The following OGG1 variants were observed in gnomAD, a reference collection of about 807,000 sequenced individuals.
The protein encoded by OGG1 is N-glycosylase/DNA lyase.
Under a neutral mutation model 42.3 loss-of-function variants are expected in OGG1, and 35 were observed. That is an observed-to-expected ratio of 0.83 (90% confidence interval 0.63 to 1.10). The LOEUF is 1.10. Ranked by LOEUF, OGG1 falls within the 50% of genes least tolerant of loss-of-function variation. The pLI, the probability that OGG1 is intolerant of heterozygous loss-of-function variation, is 0.00. For synonymous variants in OGG1, 189 were observed against 179.0 expected, an observed-to-expected ratio of 1.06 and a Z score of -0.44; for missense variants, 484 against 446.7, an observed-to-expected ratio of 1.08 and a Z score of -0.75.
At chr3:9,752,529 C>CAAAAAAAAAAAAAAAAAAAAAAAAAAAA (rs144337359) in intron 3 of OGG1, among the ~76,000 whole-genome samples, 1 of 75,026 alleles carries the variant, frequency 1.3e-5, no homozygotes, top group African/African-American at 4.9e-5. Flanking sequence ...GACTCTGTCT[C>CAAAAAAAAAAAAAAAAAAAAAAAAAAAA]AAAAAAAAAA....
At chr3:9,777,969 G>A (rs1294788518) in intron 2 of OGG1, among the ~76,000 whole-genome samples, 1 of 152,200 alleles carries the variant, frequency 6.6e-6, no homozygotes, top group Non-Finnish European at 1.5e-5. Context: ...GGGCCCCAGT[G>A]AGTTGTAATG....
At chr3:9,789,849 C>T, downstream of OGG1, 1 of 1,614,250 alleles carries the variant, frequency 6.2e-7, no homozygotes, top group Non-Finnish European at 8.5e-7. Context: ...CCTGCCTTCC[C>T]TTCCAGTTTC....
At chr3:9,787,501 T>C in intron 3 of OGG1, 2 of 1,093,032 alleles carry the variant, frequency 1.8e-6, no homozygotes, top group Non-Finnish European at 1.3e-6. Flanking sequence ...ATAAAACCTG[T>C]ACTTCACACT....
At chr3:9,762,932 A>G in intron 7 of OGG1, 6 of 1,614,080 alleles carry the variant, frequency 3.7e-6, no homozygotes, top group Non-Finnish European at 5.1e-6. Context: ...CCCGGTGTAC[A>G]ATGCCCAGGT....
intron 2 of OGG1, among the ~76,000 whole-genome samples, chr3:9,778,668 G>T (rs1002178570): frequency 8.5e-5 from 13 of 152,272 alleles, no homozygotes; most frequent in Admixed American, 7.8e-4. Context: ...ACAAGAAGTG[G>T]AACTCTCCTC....
At chr3:9,779,550 A>AAT (rs909134010) in intron 2 of OGG1, among the ~76,000 whole-genome samples, 8 of 152,068 alleles carry the variant, frequency 5.3e-5, no homozygotes, top group Non-Finnish European at 1.0e-4. Flanking sequence ...AGATATACCT[A>AAT]ATGTAAATGA....
At chr3:9,758,028 A>T (rs2077668191), downstream of OGG1, 1 of 847,950 alleles carries the variant, frequency 1.2e-6, no homozygotes, top group Non-Finnish European at 1.8e-6. Context: ...TTACACACAC[A>T]CACGCACATA....
chr3:9,767,468 C>G (rs1328611469), downstream of OGG1, among the ~76,000 whole-genome samples: 1 of 152,224 alleles, frequency 6.6e-6, no homozygotes, highest in Non-Finnish European at 1.5e-5. Flanking sequence ...TCTTCAAGAA[C>G]CCAGGGCTAT....
chr3:9,755,589 G>A (rs2077506631), intron 4 of OGG1, among the ~76,000 whole-genome samples: 2 of 151,232 alleles, frequency 1.3e-5, no homozygotes, highest in Middle Eastern at 6.8e-3. Context: ...TCAGCCTCCA[G>A]ATTAGCTGGG....
Position 9,751,966 on chromosome 3 carries a change from C to T in OGG1, c.565+17C>T. On this transcript the variant is annotated intron_variant, in intron 3 of 6. Transcript: ENST00000344629. Reference sequence around the variant, plus strand: ...CCCTGGCTGGTGAGTAGGTGGGTCCCCTGCCCCCAGGCCTTCCATCAGCTT... The same window carrying T: ...CCCTGGCTGGTGAGTAGGTGGGTCCTCTGCCCCCAGGCCTTCCATCAGCTT... The T allele has an allele frequency of 6.8e-6, 11 of 1,612,526 alleles. No individual in the cohort carries two copies. Among genetic ancestry groups the T allele is most frequent in the Non-Finnish European group, 9.3e-6 (11 of 1,178,798 alleles).
downstream of OGG1, among the ~76,000 whole-genome samples, chr3:9,790,433 C>A (rs1375305930): frequency 6.6e-6 from 1 of 152,156 alleles, no homozygotes; most frequent in African/African-American, 2.4e-5. Context: ...CTCCTTCCTC[C>A]ACAAGTCTCT....
chr3:9,760,612 A>G (rs1320468946), downstream of OGG1: 1 of 1,606,158 alleles, frequency 6.2e-7, no homozygotes, highest in Non-Finnish European at 8.5e-7. Context: ...GTGAGGGAGG[A>G]ACCAGAGGCA....
chr3:9,788,361 T>G (rs293788), downstream of OGG1: 27,027 of 152,072 alleles, frequency 0.18, 2,703 homozygotes, highest in African/African-American at 0.25. Context: ...TTCTCCTGCC[T>G]TAGCCTCCCG....
chr3:9,789,590 G>A (rs756150446), downstream of OGG1: 2 of 1,614,168 alleles, frequency 1.2e-6, no homozygotes, highest in Non-Finnish European at 1.7e-6. Context: ...TGTCAGCACA[G>A]TAGGGCTCCA....
At chr3:9,761,767 C>G (rs1419570960), downstream of OGG1, 1 of 1,613,746 alleles carries the variant, frequency 6.2e-7, no homozygotes, top group Non-Finnish European at 8.5e-7. Context: ...GCTTGAAGGG[C>G]AGGAGGGAAG....
downstream of OGG1, chr3:9,769,883 C>G (rs1167638382): frequency 6.6e-6 from 1 of 152,186 alleles, no homozygotes; most frequent in East Asian, 1.9e-4. Flanking sequence ...TGGTTGGCGC[C>G]GAGCTGTGGC....
intron 2 of OGG1, among the ~76,000 whole-genome samples, chr3:9,779,260 T>G (rs967745362): frequency 6.6e-6 from 1 of 152,118 alleles, no homozygotes; most frequent in Non-Finnish European, 1.5e-5. Context: ...TTTGCCACAG[T>G]GACTGAGGAA....
downstream of OGG1, chr3:9,757,740 G>A: frequency 6.2e-7 from 1 of 1,614,176 alleles, no homozygotes; most frequent in African/African-American, 1.3e-5. The surrounding 1 kb of genome is among the most constrained non-coding windows in gnomAD (Gnocchi z 4.5). Flanking sequence ...CCCAGCCACT[G>A]GTGTCAGCAG....
At chr3:9,790,954 TG>T (rs2078715347), downstream of OGG1, among the ~76,000 whole-genome samples, 2 of 152,330 alleles carry the variant, frequency 1.3e-5, no homozygotes, top group Admixed American at 1.3e-4. Flanking sequence ...CTTTCCTAGT[TG>T]CCAAGCTCCC....
Sources: allele counts gnomAD v4.1 joint callset (sites outside exome capture counted in the v4.1 genomes callset), GRCh38; gene constraint gnomAD v4.1.1; non-coding constraint Gnocchi (gnomAD v3.1); transcripts MANE v1.5; gene names NCBI Gene and HGNC (gene_info 2026-07-23, HGNC 2026-07-21).